Variants in TTC7A observed in about 807,000 individuals in gnomAD.
TTC7A encodes the protein tetratricopeptide repeat domain 7A.
TTC7A carries 110 observed loss-of-function variants against 103.7 expected under a neutral mutation model. The observed-to-expected ratio is 1.06, with a 90% confidence interval of 0.91 to 1.24. The LOEUF is 1.24. Among genes scored for constraint, TTC7A ranks in the 50% most tolerant of loss-of-function variants. The pLI, the probability that TTC7A is intolerant of heterozygous loss-of-function variation, is 0.00. For synonymous variants in TTC7A, 521 were observed against 467.9 expected (o/e 1.11, Z -1.47); for missense variants, 1,340 against 1,116.3 (o/e 1.20, Z -2.86).
chr2:46,962,213 G>C (rs931423082), intron 3 of TTC7A, among the ~76,000 whole-genome samples: 8 of 152,098 alleles, frequency 5.3e-5, no homozygotes, highest in African/African-American at 1.9e-4. Context: ...CATTGTCCTT[G>C]CCTTTTTTCT....
chr2:46,995,736 G>A (rs984895773), intron 8 of TTC7A, among the ~76,000 whole-genome samples: 5 of 152,150 alleles, frequency 3.3e-5, no homozygotes, highest in African/African-American at 9.7e-5. Flanking sequence ...ATTTATTCAC[G>A]CAACAGCTAT....
At chr2:47,037,911 T>A (rs1304035167) in intron 15 of TTC7A, among the ~76,000 whole-genome samples, 1 of 152,116 alleles carries the variant, frequency 6.6e-6, no homozygotes, top group Non-Finnish European at 1.5e-5. Context: ...CCTGCAGCAA[T>A]CCTCAGGGTA....
intron 18 of TTC7A, among the ~76,000 whole-genome samples, chr2:47,059,315 C>T (rs1312719574): frequency 6.6e-6 from 1 of 152,038 alleles, no homozygotes; most frequent in African/African-American, 2.4e-5. Flanking sequence ...GCCTGTAGCC[C>T]AGCCACCTGC....
chr2:46,988,365 T>G (rs1234215523), intron 5 of TTC7A, among the ~76,000 whole-genome samples: 2 of 152,182 alleles, frequency 1.3e-5, no homozygotes, highest in Non-Finnish European at 2.9e-5. Context: ...GATGACCATT[T>G]GAACTTCACC....
chr2:46,988,951 A>G (rs538288315), intron 5 of TTC7A, among the ~76,000 whole-genome samples: 2 of 152,266 alleles, frequency 1.3e-5, no homozygotes, highest in South Asian at 2.1e-4. Context: ...TTCAGTGATC[A>G]TTTCTTGAGC....
intron 14 of TTC7A, among the ~76,000 whole-genome samples, chr2:47,024,894 G>A (rs1302733288): frequency 6.6e-6 from 1 of 152,168 alleles, no homozygotes; most frequent in Non-Finnish European, 1.5e-5. Flanking sequence ...CTTTTCCCCA[G>A]GGGTGCTGAG....
At chr2:46,917,805 T>A (rs1175199652) in intron 2 of TTC7A, among the ~76,000 whole-genome samples, 1 of 152,238 alleles carries the variant, frequency 6.6e-6, no homozygotes, top group Non-Finnish European at 1.5e-5. Flanking sequence ...CACTGTTTTA[T>A]CAAAGCCAAC....
intron 14 of TTC7A, 24 bp downstream of exon 14, chr2:47,024,383 C>T (rs1396589731): frequency 1.9e-6 from 3 of 1,591,836 alleles, no homozygotes; most frequent in Non-Finnish European, 1.7e-6. Flanking sequence ...GTTCCTAACC[C>T]CCGGGTCCTC....
chr2:47,049,123 G>A (rs1682609291), intron 16 of TTC7A, among the ~76,000 whole-genome samples: 1 of 152,102 alleles, frequency 6.6e-6, no homozygotes, highest in Non-Finnish European at 1.5e-5. Context: ...CTTCTCTGAA[G>A]GAAAGAAACC....
intron 2 of TTC7A, among the ~76,000 whole-genome samples, chr2:46,931,196 G>C (rs563844588): frequency 7.2e-5 from 11 of 152,330 alleles, no homozygotes; most frequent in African/African-American, 2.4e-4. Context: ...GCTCACTGCA[G>C]CTTTCAGCTG....
intron 8 of TTC7A, chr2:46,999,651 C>T (rs1313594085): frequency 1.0e-6 from 1 of 985,338 alleles, no homozygotes; most frequent in African/African-American, 1.7e-5. Flanking sequence ...CCTGCTGAAC[C>T]TCAAACGTAA....
chr2:46,917,397 C>G, intron 2 of TTC7A: 1 of 571,146 alleles, frequency 1.8e-6, no homozygotes, highest in Non-Finnish European at 3.1e-6. Context: ...CCTCCTTCTA[C>G]CCTGCATCTG....
At chr2:46,946,308 C>T (rs1670934237) in intron 1 of TTC7A, among the ~76,000 whole-genome samples, 1 of 152,180 alleles carries the variant, frequency 6.6e-6, no homozygotes, top group Non-Finnish European at 1.5e-5. Flanking sequence ...TGCAGCATTT[C>T]ACCAGAACTG....
chr2:47,015,464 A>T (rs1678540755), intron 11 of TTC7A, among the ~76,000 whole-genome samples: 1 of 152,208 alleles, frequency 6.6e-6, no homozygotes, highest in South Asian at 2.1e-4. Context: ...AAAAGTGCAT[A>T]GGCTTTGGAG....
At chr2:46,945,523 C>T (rs1381033464) in intron 1 of TTC7A, among the ~76,000 whole-genome samples, 4 of 152,182 alleles carry the variant, frequency 2.6e-5, no homozygotes, top group African/African-American at 7.2e-5. Context: ...GCTGGGATTA[C>T]GGGCGTGAGC....
At chr2:46,988,294 G>T (rs538623166) in intron 5 of TTC7A, among the ~76,000 whole-genome samples, 23 of 152,326 alleles carry the variant, frequency 1.5e-4, no homozygotes, top group African/African-American at 4.3e-4. Context: ...GAGGCTGGGG[G>T]TGAAGAGGAA....
intron 2 of TTC7A, among the ~76,000 whole-genome samples, chr2:46,927,881 GGTGTT>G (rs1669472702): frequency 2.2e-5 from 3 of 135,290 alleles, no homozygotes; most frequent in African/African-American, 8.5e-5. Flanking sequence ...GGGTTTTTTT[GGTGTT>G]TTTTTTTTTT....
At chr2:46,956,148 T>A (rs771182145) in intron 2 of TTC7A, among the ~76,000 whole-genome samples, 1 of 152,172 alleles carries the variant, frequency 6.6e-6, no homozygotes, top group Non-Finnish European at 1.5e-5. Flanking sequence ...CCCTGAGAGT[T>A]CCTCTGTGGG....
intron 2 of TTC7A, among the ~76,000 whole-genome samples, chr2:46,923,188 T>C (rs1669195340): frequency 6.6e-6 from 1 of 152,208 alleles, no homozygotes; most frequent in Admixed American, 6.5e-5. Context: ...AGCCCTGTTA[T>C]TTTGGATTTT....
Sources: allele counts gnomAD v4.1 joint callset (sites outside exome capture counted in the v4.1 genomes callset), GRCh38; gene constraint gnomAD v4.1.1; transcripts MANE v1.5; gene names NCBI Gene and HGNC (gene_info 2026-07-23, HGNC 2026-07-21).